Variants in ATG7 observed in about 807,000 individuals in gnomAD.
ATG7 encodes autophagy related 7.
A neutral mutation model predicts 82.4 loss-of-function variants in ATG7; 70 were observed. That is an observed-to-expected ratio of 0.85 (90% confidence interval 0.70 to 1.04). The LOEUF is 1.04. ATG7 is among the 50% of genes least tolerant of loss of function. The pLI, the probability that ATG7 is intolerant of heterozygous loss-of-function variation, is 0.00. For missense variants in ATG7, 792 were observed against 864.3 expected, an observed-to-expected ratio of 0.92 and a Z score of 1.05; for synonymous variants, 287 against 313.0, an observed-to-expected ratio of 0.92 and a Z score of 0.88.
chr3:11,529,045 TATG>T (rs2092643136), intron 20 of ATG7, among the ~76,000 whole-genome samples: 1 of 151,562 alleles, frequency 6.6e-6, no homozygotes, highest in African/African-American at 2.4e-5. Context: ...AGAAATACCA[TATG>T]GAAGGCACTG....
At chr3:11,552,188 G>A (rs1167924714) in intron 20 of ATG7, among the ~76,000 whole-genome samples, 1 of 152,024 alleles carries the variant, frequency 6.6e-6, no homozygotes, top group Admixed American at 6.5e-5. Flanking sequence ...TATTTTATTG[G>A]GGTTTCCAGG....
Position 11,477,273 on chromosome 3 carries a change from A to G in ATG7, c.2079+50347A>G. The G allele has an allele frequency of 4.1e-6, 5 of 1,229,552 alleles. No individual in the cohort carries two copies. The South Asian group carries it at 6.9e-5, about 17-fold the overall frequency. 76.2% of individuals were successfully genotyped at this position (1,229,552 alleles called of 1,614,324 possible). On this transcript the variant is annotated intron_variant, in intron 20 of 20. Transcript: ENST00000693202. ...TTGGCTGCTTTGTTCCATAAGGTAG[A>G]TGAACAATGATGATAAAATAAAATG... is the stretch of plus-strand genomic sequence containing the variant.
At chr3:11,540,414 A>G (rs1327588872) in intron 20 of ATG7, among the ~76,000 whole-genome samples, 1 of 152,094 alleles carries the variant, frequency 6.6e-6, no homozygotes, top group Non-Finnish European at 1.5e-5. Context: ...TCGGGTTGTT[A>G]TATCTTATTG....
chr3:11,380,108 G>T, intron 19 of ATG7, 56 bp downstream of exon 19: 1 of 1,540,252 alleles, frequency 6.5e-7, no homozygotes, highest in South Asian at 1.1e-5. Flanking sequence ...GTCAGCATTT[G>T]ACCGCAGCCT....
At chr3:11,446,682 C>CT in intron 20 of ATG7, 1 of 237,234 alleles carries the variant, frequency 4.2e-6, no homozygotes, top group South Asian at 4.0e-5. Flanking sequence ...CTTTTGACTT[C>CT]TTCCTGTAAG....
At chr3:11,422,320 C>T (rs1229788929) in intron 19 of ATG7, among the ~76,000 whole-genome samples, 1 of 152,230 alleles carries the variant, frequency 6.6e-6, no homozygotes, top group African/African-American at 2.4e-5. Flanking sequence ...AGCTAGATCT[C>T]ATAATAACAT....
At chr3:11,469,462 G>A (rs1222185143) in intron 20 of ATG7, among the ~76,000 whole-genome samples, 1 of 151,310 alleles carries the variant, frequency 6.6e-6, no homozygotes, top group African/African-American at 2.4e-5. Flanking sequence ...AAAAAAAAAA[G>A]TAAAATAAAA....
intron 20 of ATG7, among the ~76,000 whole-genome samples, chr3:11,487,102 TTAACCCTG>T (rs887692130): frequency 1.3e-5 from 2 of 149,426 alleles, no homozygotes; most frequent in Non-Finnish European, 3.0e-5. Flanking sequence ...CTTAATCCAT[TTAACCCTG>T]AGTGGGCACA....
chr3:11,390,415 C>G (rs574429721), intron 19 of ATG7, among the ~76,000 whole-genome samples: 2 of 152,334 alleles, frequency 1.3e-5, no homozygotes, highest in African/African-American at 4.8e-5. Context: ...TCACTAGTTG[C>G]TATTTTTGAT....
At chr3:11,500,854 C>G (rs1250740649) in intron 20 of ATG7, among the ~76,000 whole-genome samples, 1 of 152,210 alleles carries the variant, frequency 6.6e-6, no homozygotes, top group African/African-American at 2.4e-5. Context: ...TGTTCTCGAT[C>G]TCCTGACCTT....
chr3:11,302,465 T>C (rs1446269773), intron 5 of ATG7, among the ~76,000 whole-genome samples: 2 of 152,338 alleles, frequency 1.3e-5, no homozygotes, highest in South Asian at 2.1e-4. Context: ...TCTTTATGAA[T>C]TTATTTATCA....
At chr3:11,438,080 C>T (rs2083524397) in intron 20 of ATG7, among the ~76,000 whole-genome samples, 1 of 152,108 alleles carries the variant, frequency 6.6e-6, no homozygotes, top group Non-Finnish European at 1.5e-5. Flanking sequence ...TTTTTAATTC[C>T]CTTGACACCC....
chr3:11,475,346 G>A (rs1376629504), intron 20 of ATG7, among the ~76,000 whole-genome samples: 3 of 152,074 alleles, frequency 2.0e-5, no homozygotes, highest in East Asian at 3.9e-4. Context: ...TATAAAGGAG[G>A]AATCTGAGGT....
At chr3:11,540,907 T>TGGCGGG (rs1478475481) in intron 20 of ATG7, among the ~76,000 whole-genome samples, 4 of 35,036 alleles carry the variant, frequency 1.1e-4, no homozygotes, top group South Asian at 9.6e-4. Context: ...TAGCTTTTTT[T>TGGCGGG]GGGGGGGGGA....
Position 11,315,348 on chromosome 3 carries a change from A to G in ATG7, c.533A>G (p.Glu178Gly). 6.4e-7 allele frequency: 1 copy of G among 1,563,658 alleles called. No homozygotes were observed. The highest frequency in any genetic ancestry group is 8.6e-7 in the Non-Finnish European group (1 of 1,157,762). The stretch of plus-strand genomic sequence containing the variant: ...CAACGTGTTTTCTGTTTTCAGATTG[A>G]AGCACTAGAGTGTGCATATGATAAT... The part of the protein sequence containing the change: ...LDQRFSLKQI[E>G]ALECAYDNLC... The change falls in exon 9 of 21, where the codon GAA becomes GGA. Residue 178 changes from glutamate to glycine, a missense_variant. Coordinates refer to ENST00000693202, the MANE Select transcript of ATG7 (RefSeq NM_001349232.2).
intron 9 of ATG7, among the ~76,000 whole-genome samples, chr3:11,320,638 AT>A (rs1950096467): frequency 1.3e-5 from 2 of 152,192 alleles, no homozygotes; most frequent in African/African-American, 4.8e-5. Context: ...TTTTTCTCCC[AT>A]TTAAATGTAA....
In ATG7 at chr3:11,555,172, C is replaced by CCAA. The variant is rs1326134506; in HGVS notation, c.*332_*334dup. 1 of 314,980 alleles carries CCAA rather than the reference C, an allele frequency of 3.2e-6. No homozygotes were observed. Among genetic ancestry groups the CCAA allele is most frequent in the Non-Finnish European group, 5.8e-6 (1 of 171,976 alleles). The allele number at this position is 314,980 out of a possible 1,614,324, so 19.5% of individuals were successfully genotyped here. A position where few individuals can be genotyped will look rare whatever the true frequency, so the allele number is the denominator to read the frequency against. ...TTCCCCTTGGCCCTGAGGGGGTGAC[C>CCAA]CAACACAGACCAAATGGGGAAATGA... On this transcript the variant is annotated 3_prime_UTR_variant, in exon 21 of 21. Transcript: ENST00000693202.
intron 20 of ATG7, among the ~76,000 whole-genome samples, chr3:11,549,611 G>A (rs1232704364): frequency 2.0e-5 from 3 of 152,160 alleles, no homozygotes; most frequent in East Asian, 1.9e-4. Flanking sequence ...TCCACTGTAC[G>A]GATACACCAC....
rs34116945 is a variant in ATG7, at chr3:11,285,139, CTTTTTTTTTT to C, written c.-11+2712_-11+2721del. Among the ~76,000 whole-genome samples the C allele has an allele frequency of 2.4e-3, 255 of 104,100 alleles. 4 individuals are homozygous for C. Among genetic ancestry groups the C allele is most frequent in the Admixed American group, 0.024 (202 of 8,518 alleles). The allele number at this position is 104,100 out of a possible 152,430, so 68.3% of individuals were successfully genotyped here. A position where few individuals can be genotyped will look rare whatever the true frequency, so the allele number is the denominator to read the frequency against. On this transcript the variant is annotated intron_variant, in intron 3 of 20. Coordinates refer to ENST00000693202, the MANE Select transcript of ATG7 (RefSeq NM_001349232.2). ...TGCTAGGATTACAGGTGTGAGCCAC[CTTTTTTTTTT>C]TTTTTTTTTTAAAAGCCCGGCCTTT...
Sources: allele counts gnomAD v4.1 joint callset (sites outside exome capture counted in the v4.1 genomes callset), GRCh38; gene constraint gnomAD v4.1.1; transcripts MANE v1.5; gene names NCBI Gene and HGNC (gene_info 2026-07-23, HGNC 2026-07-21).